RACGAP1: variants seen among roughly 807,000 people sequenced by gnomAD.
RACGAP1 encodes Rac GTPase activating protein 1, also known as rac GTPase-activating protein 1.
RACGAP1 carries 30 observed loss-of-function variants against 78.1 expected under a neutral mutation model. The ratio of observed to expected loss-of-function variants is 0.38; its 90% CI spans 0.29 to 0.52. The LOEUF is 0.52. Ranked by LOEUF, RACGAP1 falls within the 20% of genes least tolerant of loss-of-function variation. The pLI is 0.82. For missense variants in RACGAP1, 587 were observed against 777.1 expected, an observed-to-expected ratio of 0.76 and a Z score of 2.91; for synonymous variants, 231 against 264.8, an observed-to-expected ratio of 0.87 and a Z score of 1.24.
intron 6 of RACGAP1, 21 bp from the exon 7 acceptor site, chr12:50,001,273 C>G: frequency 6.4e-7 from 1 of 1,567,318 alleles, no homozygotes; most frequent in Non-Finnish European, 8.8e-7. Flanking sequence ...GACAAAGACC[C>G]GTAACTTTAA....
intron 1 of RACGAP1, among the ~76,000 whole-genome samples, chr12:50,020,331 C>T (rs1289094211): frequency 1.7e-5 from 2 of 114,446 alleles, no homozygotes; most frequent in Non-Finnish European, 3.6e-5. Context: ...GTGCCCACCA[C>T]CAGGCCCAGC....
chr12:50,017,494 C>A (rs924934332), intron 1 of RACGAP1, among the ~76,000 whole-genome samples: 5 of 152,102 alleles, frequency 3.3e-5, no homozygotes, highest in Non-Finnish European at 7.4e-5. Flanking sequence ...CCTGCTGATA[C>A]TATAGAAAAA....
In RACGAP1 at chr12:49,990,930, T is replaced by C. The variant is rs1244317712; in HGVS notation, c.1715-138A>G. The C allele has an allele frequency of 1.1e-5, 7 of 626,558 alleles. No individual in the cohort carries two copies. The South Asian group carries it at 1.2e-4, about 11-fold the overall frequency. The allele number at this position is 626,558 out of a possible 1,614,324, so 38.8% of individuals were successfully genotyped here. Reference sequence around the variant, plus strand: ...TCTAGCAAAGTCCCAGAGATCATTTTTGTCATCATTCTGTAACACACTAGT... The same window carrying C: ...TCTAGCAAAGTCCCAGAGATCATTTCTGTCATCATTCTGTAACACACTAGT... On this transcript the variant is annotated intron_variant, in intron 15 of 16. Transcript: ENST00000312377.
chr12:49,999,923 C>T (rs1363112167), intron 7 of RACGAP1, among the ~76,000 whole-genome samples, 190 bp from the exon 8 acceptor site: 1 of 152,076 alleles, frequency 6.6e-6, no homozygotes, highest in African/African-American at 2.4e-5. Context: ...GTGATCTCGG[C>T]TCACTGCAAC....
chr12:50,007,103 T>C (rs1248507752), intron 2 of RACGAP1, among the ~76,000 whole-genome samples: 1 of 152,180 alleles, frequency 6.6e-6, no homozygotes, highest in East Asian at 1.9e-4. Flanking sequence ...TATGCTCCAG[T>C]AGATGTAGAT....
In RACGAP1 at chr12:50,005,266, C is replaced by T. The variant is rs762326710; in HGVS notation, c.415G>A (p.Gly139Arg). The T allele has an allele frequency of 1.2e-6, 2 of 1,613,986 alleles. No individual in the cohort carries two copies. The highest frequency in any genetic ancestry group is 1.7e-6 in the Non-Finnish European group (2 of 1,180,014). The change falls in exon 4 of 17, where the codon GGG becomes AGG. Residue 139 changes from glycine (G) to arginine (R), a missense_variant. Gly to Arg is a moderately radical substitution (Grantham distance 125). Coordinates refer to ENST00000312377, the MANE Select transcript of RACGAP1 (RefSeq NM_001319999.2). ...ATGCAGTTCCTCCACCTTTTGTTCC[C>T]AGCATTGCTGCTGGATGGTTGGCCT... ...NRGQPSSSNA[G>R]NKRLSTIDES... is the part of the protein sequence containing the mutation.
intron 1 of RACGAP1, among the ~76,000 whole-genome samples, chr12:50,017,909 C>A (rs1949767577): frequency 6.6e-6 from 1 of 152,150 alleles, no homozygotes; most frequent in African/African-American, 2.4e-5. Context: ...GTAATCCCAG[C>A]ACTTTGGGAG....
At chr12:50,000,400 C>G (rs990486817) in intron 7 of RACGAP1, among the ~76,000 whole-genome samples, 2 of 152,034 alleles carry the variant, frequency 1.3e-5, no homozygotes, top group African/African-American at 4.8e-5. Context: ...GATCATCCAC[C>G]TGCCTAGGCC....
At chr12:50,011,265 C>T (rs1351114820) in intron 2 of RACGAP1, among the ~76,000 whole-genome samples, 3 of 145,556 alleles carry the variant, frequency 2.1e-5, no homozygotes, top group African/African-American at 7.6e-5. Flanking sequence ...ACCCACGAGA[C>T]GGAGGGTGCA....
At chr12:50,029,486 C>A (rs1191549766), upstream of RACGAP1, among the ~76,000 whole-genome samples, 1 of 150,832 alleles carries the variant, frequency 6.6e-6, no homozygotes, top group African/African-American at 2.4e-5. Context: ...TCAGGAGAAT[C>A]GCTCTTGAAC....
chr12:49,997,229 A>G, intron 9 of RACGAP1, 25 bp from the exon 10 acceptor site: 1 of 1,503,592 alleles, frequency 6.7e-7, no homozygotes, highest in South Asian at 1.3e-5. Context: ...GGCAGAAGGA[A>G]CAGAGTGATA....
chr12:50,018,326 A>G (rs1949797723), intron 1 of RACGAP1, among the ~76,000 whole-genome samples: 1 of 152,224 alleles, frequency 6.6e-6, no homozygotes, highest in Non-Finnish European at 1.5e-5. Flanking sequence ...AAGATTTTCA[A>G]ACGGCAAGTA....
At chr12:49,993,367 C>T (rs1259955327) in intron 12 of RACGAP1, among the ~76,000 whole-genome samples, 2 of 152,190 alleles carry the variant, frequency 1.3e-5, no homozygotes, top group Admixed American at 1.3e-4. Flanking sequence ...AGGAAGAACA[C>T]TGTACACAAT....
At chr12:50,018,434 G>C (rs905249982) in intron 1 of RACGAP1, 6 of 834,298 alleles carry the variant, frequency 7.2e-6, no homozygotes, top group African/African-American at 7.2e-5. Context: ...AAACTAAAAG[G>C]ATAGCATTAA....
rs76922929 is a variant in RACGAP1, at chr12:49,994,938, T to C, written c.1045-429A>G. ...CAAGAGAAAAAAATTGTGTATACTT[T>C]CATTATTCTCAGTAAAAAAAATTAT... On this transcript the variant is annotated intron_variant, in intron 10 of 16. Coordinates refer to ENST00000312377, the MANE Select transcript of RACGAP1 (RefSeq NM_001319999.2). Among the ~76,000 whole-genome samples the C allele has an allele frequency of 0.011, 1,642 of 152,292 alleles. 74 individuals carry two copies. The East Asian group carries it at 0.14, about 13-fold the overall frequency.
At chr12:50,030,756 T>A (rs970898886) in intron 2 of RACGAP1, among the ~76,000 whole-genome samples, 1 of 151,756 alleles carries the variant, frequency 6.6e-6, no homozygotes, top group South Asian at 2.1e-4. Context: ...TTGTACATGA[T>A]AAATATGTTC....
intron 1 of RACGAP1, among the ~76,000 whole-genome samples, chr12:50,018,032 C>T (rs930526766): frequency 6.6e-6 from 1 of 151,938 alleles, no homozygotes; most frequent in Admixed American, 6.6e-5. Context: ...GTTATGTGTG[C>T]CTGTAATTCC....
At chr12:50,028,012 C>T (rs1023465978), upstream of RACGAP1, among the ~76,000 whole-genome samples, 5 of 152,078 alleles carry the variant, frequency 3.3e-5, no homozygotes, top group African/African-American at 4.8e-5. Context: ...ACACTAGGAA[C>T]GGATTGGACT....
At chr12:49,993,320 G>A (rs984616111) in intron 12 of RACGAP1, among the ~76,000 whole-genome samples, 3 of 152,198 alleles carry the variant, frequency 2.0e-5, no homozygotes, top group African/African-American at 4.8e-5. Context: ...TCTAAGAATT[G>A]AAAAAGCTCC....
Sources: gnomAD v4.1 joint callset for allele counts (sites outside exome capture counted in the v4.1 genomes callset) on GRCh38, gnomAD v4.1.1 for gene constraint, MANE v1.5 for transcripts, NCBI Gene and HGNC (gene_info 2026-07-23, HGNC 2026-07-21) for gene names.